The following LGR5 variants were observed in gnomAD, a reference collection of about 807,000 sequenced individuals.
LGR5 encodes the protein leucine rich repeat containing G protein-coupled receptor 5, also known as leucine-rich repeat-containing G protein-coupled receptor 5.
Under a neutral mutation model 76.7 loss-of-function variants are expected in LGR5, and 54 were observed. That is an observed-to-expected ratio of 0.70 (90% CI 0.57 to 0.88). LGR5 has a LOEUF of 0.88. Ranked by LOEUF, LGR5 falls within the 40% of genes least tolerant of loss-of-function variation. The pLI, the probability that LGR5 is intolerant of heterozygous loss-of-function variation, is 0.00. For missense variants in LGR5, 1,078 were observed against 1,073.3 expected, an observed-to-expected ratio of 1.00 and a Z score of -0.06; for synonymous variants, 406 against 421.9, an observed-to-expected ratio of 0.96 and a Z score of 0.46.
intron 3 of LGR5, among the ~76,000 whole-genome samples, chr12:71,527,849 T>C (rs1478289340): frequency 6.6e-6 from 1 of 152,218 alleles, no homozygotes; most frequent in Admixed American, 6.5e-5. Flanking sequence ...TTTGGAAATT[T>C]GTGGGAGCAT....
At chr12:71,517,667 A>T (rs1592506992) in intron 2 of LGR5, among the ~76,000 whole-genome samples, 1 of 152,184 alleles carries the variant, frequency 6.6e-6, no homozygotes, top group Non-Finnish European at 1.5e-5. Flanking sequence ...ATAGTTAGGG[A>T]CATTTTGACC....
At chr12:71,497,016 T>C (rs1016190321) in intron 1 of LGR5, among the ~76,000 whole-genome samples, 2 of 152,008 alleles carry the variant, frequency 1.3e-5, no homozygotes, top group African/African-American at 4.8e-5. Context: ...TGTGTTCATA[T>C]TGTGAAAATT....
chr12:71,540,704 AG>A (rs1414188554), intron 4 of LGR5, among the ~76,000 whole-genome samples: 3 of 152,212 alleles, frequency 2.0e-5, no homozygotes, highest in African/African-American at 7.2e-5. Context: ...AGACAAGCCT[AG>A]AACCAGGAGC....
chr12:71,525,737 G>C (rs1875966680), intron 3 of LGR5, among the ~76,000 whole-genome samples: 1 of 151,270 alleles, frequency 6.6e-6, no homozygotes, highest in South Asian at 2.1e-4. Flanking sequence ...TGTATCTCCA[G>C]ACATCAAATT....
At chr12:71,453,773 G>A (rs1214974505) in intron 1 of LGR5, among the ~76,000 whole-genome samples, 1 of 151,780 alleles carries the variant, frequency 6.6e-6, no homozygotes, top group East Asian at 1.9e-4. Context: ...TTAAAGAATG[G>A]GCTTGTGTCT....
At chr12:71,565,110 G>A (rs1187526744) in intron 8 of LGR5, among the ~76,000 whole-genome samples, 2 of 151,942 alleles carry the variant, frequency 1.3e-5, no homozygotes, top group Non-Finnish European at 2.9e-5. Flanking sequence ...TCCAGCTCTA[G>A]CTCTTTCTCT....
chr12:71,572,097 T>C (rs943099662), intron 12 of LGR5, among the ~76,000 whole-genome samples: 15 of 151,960 alleles, frequency 9.9e-5, no homozygotes, highest in Admixed American at 3.9e-4. Context: ...TTTTTTTTTT[T>C]TCTCAAGATG....
At chr12:71,443,693 C>T (rs905233422) in intron 1 of LGR5, among the ~76,000 whole-genome samples, 4 of 152,162 alleles carry the variant, frequency 2.6e-5, no homozygotes, top group Non-Finnish European at 5.9e-5. Context: ...AAACTCCTCT[C>T]TGCTACTTTG....
intron 1 of LGR5, among the ~76,000 whole-genome samples, chr12:71,472,762 C>T (rs1420699198): frequency 6.6e-6 from 1 of 152,218 alleles, no homozygotes; most frequent in East Asian, 1.9e-4. Flanking sequence ...TCAACACTGG[C>T]ATTGTAACAC....
intron 4 of LGR5, among the ~76,000 whole-genome samples, chr12:71,542,283 T>C (rs1213555162): frequency 6.6e-6 from 1 of 152,122 alleles, no homozygotes; most frequent in Non-Finnish European, 1.5e-5. Context: ...TGTGTGCAAC[T>C]CCTTATATTG....
chr12:71,492,784 T>TGTTTCACTTG (rs1565688530), intron 1 of LGR5, among the ~76,000 whole-genome samples: 2 of 151,662 alleles, frequency 1.3e-5, no homozygotes, highest in African/African-American at 4.9e-5. Flanking sequence ...ACCTCTTGAT[T>TGTTTCACTTG]TTGAGTTATG....
intron 13 of LGR5, 123 bp downstream of exon 13, chr12:71,573,044 A>G: frequency 3.1e-6 from 2 of 654,670 alleles, no homozygotes; most frequent in East Asian, 5.7e-5. Flanking sequence ...TATATTTGCT[A>G]TGAAACATCA....
At chr12:71,481,536 G>A (rs1873602612) in intron 1 of LGR5, among the ~76,000 whole-genome samples, 1 of 152,112 alleles carries the variant, frequency 6.6e-6, no homozygotes, top group Non-Finnish European at 1.5e-5. Context: ...TTGTTATTGT[G>A]AATAGTGCTG....
At chr12:71,509,018 G>A (rs1875010339) in intron 2 of LGR5, among the ~76,000 whole-genome samples, 1 of 152,072 alleles carries the variant, frequency 6.6e-6, no homozygotes, top group Non-Finnish European at 1.5e-5. Flanking sequence ...CCTTCTGGTG[G>A]CAATGTGCCC....
intron 1 of LGR5, among the ~76,000 whole-genome samples, chr12:71,447,470 A>G (rs1872052006): frequency 6.6e-6 from 1 of 152,216 alleles, no homozygotes; most frequent in African/African-American, 2.4e-5. Flanking sequence ...AGTCTCTAGA[A>G]TGTTTTAAAA....
At chr12:71,470,036 C>T (rs1177927138) in intron 1 of LGR5, among the ~76,000 whole-genome samples, 1 of 152,150 alleles carries the variant, frequency 6.6e-6, no homozygotes, top group African/African-American at 2.4e-5. Flanking sequence ...ATTCCCAGGC[C>T]ACCACCAGGG....
At chr12:71,543,404 A>G (rs759114242) in intron 4 of LGR5, among the ~76,000 whole-genome samples, 2 of 152,198 alleles carry the variant, frequency 1.3e-5, no homozygotes, top group Non-Finnish European at 2.9e-5. Flanking sequence ...GGAAAGAACC[A>G]TGATATTAAG....
intron 1 of LGR5, among the ~76,000 whole-genome samples, chr12:71,450,392 A>T (rs1042556280): frequency 6.6e-6 from 1 of 152,252 alleles, no homozygotes; most frequent in African/African-American, 2.4e-5. Flanking sequence ...CTGCAGAGCA[A>T]AAAGGAACAC....
At chr12:71,492,858 C>A (rs1334252349) in intron 1 of LGR5, among the ~76,000 whole-genome samples, 1 of 151,186 alleles carries the variant, frequency 6.6e-6, no homozygotes, top group East Asian at 1.9e-4. Context: ...AACATAGAAG[C>A]CTTTGATATT....
Sources: allele counts gnomAD v4.1 joint callset (sites outside exome capture counted in the v4.1 genomes callset), GRCh38; gene constraint gnomAD v4.1.1; transcripts MANE v1.5; gene names NCBI Gene and HGNC (gene_info 2026-07-23, HGNC 2026-07-21).